Variants in DTX1 observed in about 807,000 individuals in gnomAD.
DTX1 encodes E3 ubiquitin-protein ligase DTX1.
Under a neutral mutation model 57.8 loss-of-function variants are expected in DTX1, and 26 were observed. That is an observed-to-expected ratio of 0.45 (90% CI 0.33 to 0.62). The LOEUF (loss-of-function observed/expected upper bound fraction) is 0.62. Ranked by LOEUF, DTX1 falls within the 20% of genes least tolerant of loss-of-function variation. The pLI is 0.02. For synonymous variants in DTX1, 398 were observed against 394.1 expected (o/e 1.01, Z -0.12); for missense variants, 704 against 895.3 (o/e 0.79, Z 2.73).
chr12:113,069,338 G>A (rs1210802808), intron 2 of DTX1, among the ~76,000 whole-genome samples: 3 of 152,028 alleles, frequency 2.0e-5, no homozygotes, highest in South Asian at 2.1e-4. Flanking sequence ...AGCCCATGGC[G>A]TATGAGTGCC....
intron 3 of DTX1, among the ~76,000 whole-genome samples, chr12:113,087,892 C>T (rs1004250642): frequency 6.6e-6 from 1 of 152,116 alleles, no homozygotes; most frequent in Non-Finnish European, 1.5e-5. Context: ...GGTCAGTTGT[C>T]AGTGTTTCGG....
intron 6 of DTX1, 26 bp downstream of exon 6, chr12:113,094,125 G>A (rs1352097708): frequency 2.9e-6 from 4 of 1,382,952 alleles, no homozygotes; most frequent in Middle Eastern, 3.6e-4. Flanking sequence ...GGGGGCTGGG[G>A]GAGGGCCCTG....
rs764344755 is a variant in DTX1 at position 113,058,273 on chromosome 12, G to T, written c.81G>T (p.Val27=). 1.4e-5 allele frequency: 22 copies of T among 1,613,786 alleles called. 2 individuals carry two copies. The highest frequency in any genetic ancestry group is 3.3e-5 in the Admixed American group (2 of 60,024). The change falls in exon 2 of 10, where the codon GTG becomes GTT. Residue 27 remains valine (V), a synonymous_variant. Coordinates refer to ENST00000548759, the MANE Select transcript of DTX1 (RefSeq NM_004416.3). ...FPPQNVARVV[V]WEWLNEHSRW... is the part of the protein sequence containing the mutation. The stretch of plus-strand genomic sequence containing the variant: ...CGCAGAACGTGGCCCGGGTGGTGGT[G>T]TGGGAGTGGCTGAATGAGCACAGCC...
rs3038193 is a variant in DTX1, at chr12:113,079,515, C to CTTTTTTTT, written c.941+1433_941+1440dup. On this transcript the variant is annotated intron_variant, in intron 3 of 9. Coordinates refer to ENST00000548759, the MANE Select transcript of DTX1 (RefSeq NM_004416.3). ...TTCGAATCCCCTCTTGGCCACTTCT[C>CTTTTTTTT]TTTTTTTTTTTTTTTTTTTTTTTTT... Among the ~76,000 whole-genome samples the CTTTTTTTT allele has an allele frequency of 1.7e-4, 13 of 77,180 alleles. 4 individuals are homozygous for CTTTTTTTT. The highest frequency in any genetic ancestry group is 7.9e-4 in the African/African-American group (13 of 16,446). 50.6% of individuals were successfully genotyped at this position (77,180 alleles called of 152,430 possible). A position where few individuals can be genotyped will look rare whatever the true frequency, so the allele number is the denominator to read the frequency against.
At position 113,058,375 on chromosome 12, in the gene DTX1, C is replaced by G; in HGVS notation, c.183C>G (p.Val61=). 1 of 1,611,282 alleles carries G rather than the reference C, an allele frequency of 6.2e-7. No individual in the cohort carries two copies. The highest frequency in any genetic ancestry group is 1.1e-5 in the South Asian group (1 of 91,070). The change falls in exon 2 of 10, where the codon GTC becomes GTG. Residue 61 remains valine (V), a synonymous_variant. Coordinates refer to ENST00000548759, the MANE Select transcript of DTX1 (RefSeq NM_004416.3). ...AGGAGGACGCTCGCGGTTCCGTGGT[C>G]CTGGGGCAGGTGGACGCCCAGCTTG... ...VLKEDARGSV[V]LGQVDAQLVP...
At chr12:113,065,179 C>T (rs2044695622) in intron 2 of DTX1, among the ~76,000 whole-genome samples, 1 of 152,178 alleles carries the variant, frequency 6.6e-6, no homozygotes, top group Admixed American at 6.5e-5. Context: ...TAATCACGGG[C>T]CCTTGGAGCT....
chr12:113,081,065 G>A (rs2044813361), intron 3 of DTX1, among the ~76,000 whole-genome samples: 1 of 152,126 alleles, frequency 6.6e-6, no homozygotes, highest in Non-Finnish European at 1.5e-5. Flanking sequence ...CTTAGTCACT[G>A]ATGAAATATT....
chr12:113,095,594 C>A, intron 9 of DTX1, 180 bp downstream of exon 9: 1 of 748,444 alleles, frequency 1.3e-6, no homozygotes, highest in Non-Finnish European at 2.1e-6. Flanking sequence ...GTTTCCTGAG[C>A]CACTGAGGTC....
At chr12:113,088,479 G>C (rs1619738) in intron 3 of DTX1, among the ~76,000 whole-genome samples, 97,664 of 152,212 alleles carry the variant, frequency 0.64, 34,293 homozygotes, top group Admixed American at 0.77. Flanking sequence ...TGCTTAAAGA[G>C]GGATAACATT....
chr12:113,064,393 T>TTCA (rs2044689962), intron 2 of DTX1, among the ~76,000 whole-genome samples: 1 of 152,214 alleles, frequency 6.6e-6, no homozygotes. Context: ...ATCGCTCGTA[T>TTCA]TTGGTAGTCA....
intron 2 of DTX1, among the ~76,000 whole-genome samples, chr12:113,071,098 C>T (rs2044735122): frequency 6.6e-6 from 1 of 152,262 alleles, no homozygotes; most frequent in African/African-American, 2.4e-5. Context: ...CTGACTCCAG[C>T]TCTCTTGGTA....
chr12:113,057,170 C>T (rs1406851558), intron 1 of DTX1, among the ~76,000 whole-genome samples: 3 of 151,964 alleles, frequency 2.0e-5, no homozygotes, highest in South Asian at 2.1e-4. Flanking sequence ...CCAGCGCACC[C>T]GGCATCCCCC....
chr12:113,064,237 G>T lies in DTX1; in HGVS notation c.259+5786G>T, dbSNP rs11066484. Among the ~76,000 whole-genome samples, 826 of 152,256 alleles carry T rather than the reference G, an allele frequency of 5.4e-3. 8 individuals carry two copies. Among genetic ancestry groups the T allele is most frequent in the African/African-American group, 0.019 (785 of 41,540 alleles). The stretch of plus-strand genomic sequence containing the variant: ...AAGACTATGTGTAGGGGCAGGGAGC[G>T]GCCCATCTCTGGTAGCAGCAGGTCC... On this transcript the variant is annotated intron_variant, in intron 2 of 9. Transcript: ENST00000548759.
chr12:113,079,600 TG>T (rs1326897291), intron 3 of DTX1, among the ~76,000 whole-genome samples: 3 of 137,110 alleles, frequency 2.2e-5, no homozygotes, highest in African/African-American at 8.2e-5. Context: ...CAATCTCCAC[TG>T]ACTGCAACTT....
chr12:113,088,849 T>C (rs1014692296), intron 3 of DTX1, among the ~76,000 whole-genome samples: 8 of 151,914 alleles, frequency 5.3e-5, no homozygotes, highest in African/African-American at 1.7e-4. Context: ...TTTGTTGTTG[T>C]TGTTGTTGTT....
chr12:113,057,388 G>C (rs973793935), intron 1 of DTX1, 61 bp from the exon 2 acceptor site: 9 of 152,656 alleles, frequency 5.9e-5, no homozygotes, highest in African/African-American at 2.2e-4. Flanking sequence ...CTCCTGGGAA[G>C]GGGGGAGGGG....
Position 113,077,300 on chromosome 12 carries a change from A to G in DTX1, c.260-124A>G, listed in dbSNP as rs145534736. 0.013 allele frequency: 14,369 copies of G among 1,103,812 alleles called. 168 individuals carry two copies. Among genetic ancestry groups the G allele is most frequent in the African/African-American group, 0.034 (2,090 of 62,216 alleles). 68.4% of individuals were successfully genotyped at this position (1,103,812 alleles called of 1,614,324 possible). The stretch of plus-strand genomic sequence containing the variant: ...TGACCCTCTCCCCAAGTCTGGGTGG[A>G]CCCCCTGGAGGCCTGTGCTGACCCC... On this transcript the variant is annotated intron_variant, in intron 2 of 9. Transcript: ENST00000548759. This position sits in a 1 kb window ranked among gnomAD's most constrained non-coding sequence, Gnocchi z 7.8.
In DTX1 at chr12:113,093,135, C is replaced by G. The variant is rs1488495603; in HGVS notation, c.942-27C>G. ...CGTCGCTTCGGGGGCTGGAGTCCAG[C>G]TGCGGCCTCTTCTCTTCTCCCCGCA... is the stretch of plus-strand genomic sequence containing the variant. On this transcript the variant is annotated intron_variant, in intron 3 of 9. Coordinates refer to ENST00000548759, the MANE Select transcript of DTX1 (RefSeq NM_004416.3). This position sits in a 1 kb window ranked among gnomAD's most constrained non-coding sequence, Gnocchi z 4.2. 1 of 1,574,794 alleles carries G rather than the reference C, an allele frequency of 6.4e-7. No individual in the cohort carries two copies. The highest frequency in any genetic ancestry group is 8.6e-7 in the Non-Finnish European group (1 of 1,160,190).
At chr12:113,095,233 C>G (rs1252026553) in intron 8 of DTX1, 30 bp downstream of exon 8, 1 of 1,604,794 alleles carries the variant, frequency 6.2e-7, no homozygotes, top group Admixed American at 1.7e-5. Flanking sequence ...CTCTGGCCCC[C>G]AGCCCCCACA....
Sources: allele counts gnomAD v4.1 joint callset (sites outside exome capture counted in the v4.1 genomes callset), GRCh38; gene constraint gnomAD v4.1.1; non-coding constraint Gnocchi (gnomAD v3.1); transcripts MANE v1.5; gene names NCBI Gene and HGNC (gene_info 2026-07-23, HGNC 2026-07-21).